The following ZNF276 variants were observed in gnomAD, a reference collection of about 807,000 sequenced individuals.
ZNF276 encodes the protein centromere protein Z.
In ZNF276, 59 loss-of-function variants were observed where a neutral mutation model predicts 63.9. The observed-to-expected ratio is 0.92, with a 90% CI of 0.75 to 1.15. ZNF276 has a LOEUF of 1.15. Among genes scored for constraint, ZNF276 ranks in the 50% most tolerant of loss-of-function variants. ZNF276 has a pLI of 0.00. For missense variants in ZNF276, 1,084 were observed against 843.8 expected, an observed-to-expected ratio of 1.28 and a Z score of -3.53; for synonymous variants, 496 against 348.4, an observed-to-expected ratio of 1.42 and a Z score of -4.72.
rs1598057529 is a variant in ZNF276, at chr16:89,740,747, T to C, written c.*2501T>C. 6.7e-7 allele frequency: 1 copy of C among 1,483,090 alleles called. No individual in the cohort carries two copies. The highest frequency in any genetic ancestry group is 9.4e-7 in the Non-Finnish European group (1 of 1,066,384). 91.9% of individuals were successfully genotyped at this position (1,483,090 alleles called of 1,614,324 possible). ...CCTGACTTGGAAGCTGGCTGCCTGG[T>C]GCCCCTGCCTGGCCCACAGTGGGAG... On this transcript the variant is annotated 3_prime_UTR_variant, in exon 11 of 11. Transcript: ENST00000443381.
chr16:89,722,383 G>A (rs2061322404), intron 1 of ZNF276, 148 bp from the exon 2 acceptor site: 2 of 887,880 alleles, frequency 2.3e-6, no homozygotes, highest in Non-Finnish European at 3.4e-6. Flanking sequence ...GGCTTGTCCC[G>A]CCGAGAGCCG....
chr16:89,737,833 G>A lies in ZNF276; in HGVS notation c.1502G>A (p.Cys501Tyr). The A allele has an allele frequency of 1.2e-6, 2 of 1,614,200 alleles. No homozygotes were observed. Among genetic ancestry groups the A allele is most frequent in the Non-Finnish European group, 1.7e-6 (2 of 1,180,038 alleles). The change falls in exon 10 of 11, where the codon TGT (cysteine) becomes TAT (tyrosine). Residue 501 changes from cysteine (C) to tyrosine (Y), a missense_variant. Coordinates refer to ENST00000443381, the MANE Select transcript of ZNF276 (RefSeq NM_001113525.2). ...TEVRNYICDE[C>Y]GQTFKQRKHL... Reference sequence around the variant, plus strand: ...GTGCGGAACTATATCTGTGACGAATGTGGACAAACCTTCAAGCAGCGGAAG... The same window carrying A: ...GTGCGGAACTATATCTGTGACGAATATGGACAAACCTTCAAGCAGCGGAAG...
In ZNF276 at chr16:89,739,575, C is replaced by T; in HGVS notation, c.*1329C>T. ...AGGTCTGCAACACCAAGAAGTGGCTCAGGCAACTCTGGACATCTCTGCCTA... is the reference window on the plus strand; with the variant it reads ...AGGTCTGCAACACCAAGAAGTGGCTTAGGCAACTCTGGACATCTCTGCCTA... On this transcript the variant is annotated 3_prime_UTR_variant, in exon 11 of 11. Coordinates refer to ENST00000443381, the MANE Select transcript of ZNF276 (RefSeq NM_001113525.2). 4 of 1,550,426 alleles carry T rather than the reference C, an allele frequency of 2.6e-6. No homozygotes were observed. Among genetic ancestry groups the T allele is most frequent in the Non-Finnish European group, 3.5e-6 (4 of 1,146,446 alleles).
intron 5 of ZNF276, 67 bp from the exon 6 acceptor site, chr16:89,729,168 G>C: frequency 7.7e-7 from 1 of 1,294,828 alleles, no homozygotes; most frequent in Non-Finnish European, 1.1e-6. Flanking sequence ...CTTTAGGCAG[G>C]AGGTCGTGTT....
intron 4 of ZNF276, among the ~76,000 whole-genome samples, chr16:89,727,007 G>A (rs1281141529): frequency 2.0e-5 from 3 of 152,198 alleles, no homozygotes; most frequent in Non-Finnish European, 2.9e-5. Flanking sequence ...GGACTGGATC[G>A]GAGTCAGTGG....
Position 89,721,803 on chromosome 16 carries a change from G to C in ZNF276, c.163G>C (p.Gly55Arg). ...GGCGCGGCGCGCCTGGGGCCCGGTG[G>C]GGTCCTGCGGGGACGCGGGCGAGGA... Reference protein sequence around the residue: ...ATARRAWGPVGSCGDAGEDGA... With the variant: ...ATARRAWGPVRSCGDAGEDGA... Residue 55 changes from glycine to arginine, a missense_variant, in exon 1 of 11, where the codon GGG becomes CGG. Physicochemically the swap from Gly to Arg is moderately radical, Grantham distance 125. Coordinates refer to ENST00000443381, the MANE Select transcript of ZNF276 (RefSeq NM_001113525.2). The C allele has an allele frequency of 4.8e-6, 6 of 1,238,146 alleles. No individual in the cohort carries two copies. The highest frequency in any genetic ancestry group is 4.0e-6 in the Non-Finnish European group (4 of 991,646). The allele number at this position is 1,238,146 out of a possible 1,614,324, so 76.7% of individuals were successfully genotyped here.
chr16:89,727,484 A>G (rs1567570673), intron 5 of ZNF276, 127 bp downstream of exon 5: 1 of 1,104,786 alleles, frequency 9.1e-7, no homozygotes, highest in Non-Finnish European at 1.3e-6. Context: ...CCAAACAGCC[A>G]TCGTAGGGTC....
Position 89,738,497 on chromosome 16 carries a change from CGAG to C in ZNF276, c.*255_*257del, listed in dbSNP as rs746069040. 127 of 1,548,726 alleles carry C rather than the reference CGAG, an allele frequency of 8.2e-5. No individual in the cohort carries two copies. The highest frequency in any genetic ancestry group is 9.8e-5 in the Non-Finnish European group (111 of 1,127,888). On this transcript the variant is annotated 3_prime_UTR_variant, in exon 11 of 11. Transcript: ENST00000443381. ...TGATTCCTTTCCCCACTAAAGCAGTCGAGGAGATTTGTAATCCACTTTTTAGTG... is the reference window on the plus strand; with the variant it reads ...TGATTCCTTTCCCCACTAAAGCAGTCGAGATTTGTAATCCACTTTTTAGTG...
At position 89,721,684 on chromosome 16, in the gene ZNF276, C is replaced by T. The variant is rs1208307719; in HGVS notation, c.44C>T (p.Ser15Phe). The T allele has an allele frequency of 3.5e-6, 5 of 1,427,622 alleles. No individual in the cohort carries two copies. In the East Asian group the frequency reaches 1.5e-4, roughly 44 times the overall value. 88.4% of individuals were successfully genotyped at this position (1,427,622 alleles called of 1,614,324 possible). A position where few individuals can be genotyped will look rare whatever the true frequency, so the allele number is the denominator to read the frequency against. The change falls in exon 1 of 11, where the codon TCC (serine) becomes TTC (phenylalanine). Residue 15 changes from serine (S) to phenylalanine (F), a missense_variant. Physicochemically the swap from Ser to Phe is radical, Grantham distance 155 (BLOSUM62 -2). Coordinates refer to ENST00000443381, the MANE Select transcript of ZNF276 (RefSeq NM_001113525.2). ...GGCCGCTTCCTGTCTCCTGGGTCGT[C>T]CCGACAGTGCGGGGCCTCGGACGGC... ...RLGRFLSPGSSRQCGASDGGG... is the reference protein window; with the variant it reads ...RLGRFLSPGSFRQCGASDGGG...
chr16:89,721,662 C>T lies in ZNF276; in HGVS notation c.22C>T (p.Arg8Cys), dbSNP rs2061280336. 4 of 1,464,494 alleles carry T rather than the reference C, an allele frequency of 2.7e-6. No homozygotes were observed. Among genetic ancestry groups the T allele is most frequent in the Non-Finnish European group, 3.6e-6 (4 of 1,113,926 alleles). 90.7% of individuals were successfully genotyped at this position (1,464,494 alleles called of 1,614,324 possible). Residue 8 changes from arginine (R) to cysteine (C), a missense_variant, in exon 1 of 11, where the codon CGC becomes TGC. Arg to Cys is a radical substitution (Grantham distance 180). Coordinates refer to ENST00000443381, the MANE Select transcript of ZNF276 (RefSeq NM_001113525.2). MKRDRLG[R>C]FLSPGSSRQC... ...TGCCATGAAGCGGGACCGGCTGGGC[C>T]GCTTCCTGTCTCCTGGGTCGTCCCG...
At chr16:89,723,046 T>A in intron 2 of ZNF276, 91 bp from the exon 3 acceptor site, 1 of 1,609,506 alleles carries the variant, frequency 6.2e-7, no homozygotes, top group South Asian at 1.1e-5. Context: ...TGGGGACCGC[T>A]GAGGTTTGAG....
chr16:89,733,117 G>A (rs912356653), intron 6 of ZNF276, 185 bp from the exon 7 acceptor site: 8 of 623,294 alleles, frequency 1.3e-5, no homozygotes, highest in African/African-American at 1.9e-5. Flanking sequence ...TGCTGTGCTC[G>A]CCCCTGAGGC....
At position 89,738,341 on chromosome 16, in the gene ZNF276, G is replaced by T. The variant is rs1292477431; in HGVS notation, c.*95G>T. The T allele has an allele frequency of 6.7e-7, 1 of 1,494,652 alleles. No individual in the cohort carries two copies. The highest frequency in any genetic ancestry group is 2.5e-5 in the East Asian group (1 of 40,558). 92.6% of individuals were successfully genotyped at this position (1,494,652 alleles called of 1,614,324 possible). A position where few individuals can be genotyped will look rare whatever the true frequency, so the allele number is the denominator to read the frequency against. On this transcript the variant is annotated 3_prime_UTR_variant, in exon 11 of 11. Transcript: ENST00000443381. Reference sequence around the variant, plus strand: ...TGTGCACCCGCATGGGAGGGTCGGAGGGTGCTGCCCGCCCTTGGTGCTGGA... The same window carrying T: ...TGTGCACCCGCATGGGAGGGTCGGATGGTGCTGCCCGCCCTTGGTGCTGGA...
chr16:89,740,452 T>C lies in ZNF276; in HGVS notation c.*2206T>C, dbSNP rs1240449217. On this transcript the variant is annotated 3_prime_UTR_variant, in exon 11 of 11. Coordinates refer to ENST00000443381, the MANE Select transcript of ZNF276 (RefSeq NM_001113525.2). Reference sequence around the variant, plus strand: ...CCAGTTCAAGACCAGCCTGGCAATATGGTGAAACCCCGTCTCTACTAAAAA... The same window carrying C: ...CCAGTTCAAGACCAGCCTGGCAATACGGTGAAACCCCGTCTCTACTAAAAA... The C allele has an allele frequency of 1.5e-5, 7 of 457,054 alleles. No homozygotes were observed. The Admixed American group carries it at 1.8e-4, about 12-fold the overall frequency. 28.3% of individuals were successfully genotyped at this position (457,054 alleles called of 1,614,324 possible).
rs779884356 is a variant in ZNF276 at position 89,723,289 on chromosome 16, C to G, written c.586C>G (p.Leu196Val). The G allele has an allele frequency of 1.2e-6, 2 of 1,612,980 alleles. No homozygotes were observed. Among genetic ancestry groups the G allele is most frequent in the African/African-American group, 1.3e-5 (1 of 74,946 alleles). The stretch of plus-strand genomic sequence containing the variant: ...TCTGATCACATCCAGCCCCCAGTGC[C>G]TGCACGGCTTGGTGGGGTGGGTGCA... ...VDLITSSPQC[L>V]HGLVGWVHGH... The change falls in exon 4 of 11, where the codon CTG (leucine) becomes GTG (valine). Residue 196 changes from leucine to valine, a missense_variant. Physicochemically the swap from Leu to Val is conservative, Grantham distance 32. Transcript: ENST00000443381.
At position 89,739,526 on chromosome 16, in the gene ZNF276, C is replaced by G. The variant is rs374649848; in HGVS notation, c.*1280C>G. 2.6e-6 allele frequency: 4 copies of G among 1,551,320 alleles called. No individual in the cohort carries two copies. In the South Asian group the frequency reaches 3.6e-5, roughly 14 times the overall value. On this transcript the variant is annotated 3_prime_UTR_variant, in exon 11 of 11. Coordinates refer to ENST00000443381, the MANE Select transcript of ZNF276 (RefSeq NM_001113525.2). The stretch of plus-strand genomic sequence containing the variant: ...CCTGGTGTGCTGATCCGGGGCCACA[C>G]GGAGGAGGAGCCGCCCCAGCCTGAG...
chr16:89,722,992 G>A, intron 2 of ZNF276, 145 bp from the exon 3 acceptor site: 6 of 1,579,330 alleles, frequency 3.8e-6, no homozygotes, highest in Non-Finnish European at 5.2e-6. Flanking sequence ...GTTGTGGAGA[G>A]ATGAACTGGG....
At chr16:89,734,771 A>G (rs967869019) in intron 9 of ZNF276, among the ~76,000 whole-genome samples, 1 of 152,212 alleles carries the variant, frequency 6.6e-6, no homozygotes, top group Non-Finnish European at 1.5e-5. Flanking sequence ...TGGGGGAATT[A>G]TGACTGAGGG....
Position 89,738,423 on chromosome 16 carries a change from T to G in ZNF276, c.*177T>G. ...CCTCTGCTCTGGGACCAGTGGTTTA[T>G]TTTCCCGCAAACGCTGAGTGACTCG... On this transcript the variant is annotated 3_prime_UTR_variant, in exon 11 of 11. Transcript: ENST00000443381. 3 of 1,376,808 alleles carry G rather than the reference T, an allele frequency of 2.2e-6. No homozygotes were observed. The South Asian group carries it at 4.0e-5, about 18-fold the overall frequency. 85.3% of individuals were successfully genotyped at this position (1,376,808 alleles called of 1,614,324 possible). A position where few individuals can be genotyped will look rare whatever the true frequency, so the allele number is the denominator to read the frequency against.
Sources: allele counts gnomAD v4.1 joint callset (sites outside exome capture counted in the v4.1 genomes callset), GRCh38; gene constraint gnomAD v4.1.1; transcripts MANE v1.5; gene names NCBI Gene and HGNC (gene_info 2026-07-23, HGNC 2026-07-21).